Variants in ABCA4 observed in about 807,000 individuals in gnomAD.
ABCA4 encodes the protein retinal-specific phospholipid-transporting ATPase ABCA4.
A neutral mutation model predicts 263.7 loss-of-function variants in ABCA4; 196 were observed. The ratio of observed to expected loss-of-function variants is 0.74; its 90% CI spans 0.66 to 0.84. ABCA4 has a LOEUF of 0.84. Ranked by LOEUF, ABCA4 falls within the 40% of genes least tolerant of loss-of-function variation. ABCA4 has a pLI of 0.00. For missense variants in ABCA4, 2,792 were observed against 2,855.1 expected, an observed-to-expected ratio of 0.98 and a Z score of 0.50; for synonymous variants, 1,133 against 1,094.2, an observed-to-expected ratio of 1.04 and a Z score of -0.70.
At position 94,015,824 on chromosome 1, in the gene ABCA4, C is replaced by T; in HGVS notation, c.5227G>A (p.Val1743Met). The T allele has an allele frequency of 6.2e-7, 1 of 1,613,980 alleles. No individual in the cohort carries two copies. Among genetic ancestry groups the T allele is most frequent in the South Asian group, 1.1e-5 (1 of 90,982 alleles). ...MNYSVSAGLV[V>M]GIFIGFQKKA... Reference sequence around the variant, plus strand: ...TTCTGAAACCCGATGAAGATGCCCACCACCAGCCCAGCACTCACGGAATAA... The same window carrying T: ...TTCTGAAACCCGATGAAGATGCCCATCACCAGCCCAGCACTCACGGAATAA... Residue 1743 changes from valine (V) to methionine (M), a missense_variant, in exon 37 of 50, where the codon GTG becomes ATG. Val to Met is a conservative substitution (Grantham distance 21, BLOSUM62 1). Transcript: ENST00000370225.
chr1:94,105,457 A>G (rs541879292), intron 4 of ABCA4, among the ~76,000 whole-genome samples: 16 of 152,220 alleles, frequency 1.1e-4, no homozygotes, highest in African/African-American at 3.4e-4. Flanking sequence ...GGTACACCTG[A>G]GGAGGGCGGG....
At chr1:94,105,907 C>T (rs1448143480) in intron 4 of ABCA4, among the ~76,000 whole-genome samples, 1 of 152,216 alleles carries the variant, frequency 6.6e-6, no homozygotes, top group Non-Finnish European at 1.5e-5. Flanking sequence ...CCCCGCCACC[C>T]CCACCCGCTC....
At position 94,121,108 on chromosome 1, in the gene ABCA4, A is replaced by T; in HGVS notation, c.-63T>A. On this transcript the variant is annotated 5_prime_UTR_variant, in exon 1 of 50. Transcript: ENST00000370225. ...AGGCCCCTCAGACAGCAAAGGACAT[A>T]AACGCCGTTAAGAGCGCCTCTGGCT... The T allele has an allele frequency of 6.6e-7, 1 of 1,510,096 alleles. No individual in the cohort carries two copies. Among genetic ancestry groups the T allele is most frequent in the Non-Finnish European group, 9.2e-7 (1 of 1,085,306 alleles). The allele number at this position is 1,510,096 out of a possible 1,614,324, so 93.5% of individuals were successfully genotyped here.
At chr1:94,098,770 C>T (rs563403587) in intron 6 of ABCA4, 24 bp downstream of exon 6, 19 of 1,613,294 alleles carry the variant, frequency 1.2e-5, no homozygotes, top group African/African-American at 5.3e-5. Context: ...TTGCAATTGG[C>T]GAGCAGCCAA....
chr1:94,087,844 G>A (rs780346867), intron 6 of ABCA4, among the ~76,000 whole-genome samples: 4 of 152,230 alleles, frequency 2.6e-5, no homozygotes, highest in Non-Finnish European at 5.9e-5. Context: ...GGACACGGCA[G>A]TGAATGAAAC....
At position 94,060,790 on chromosome 1, in the gene ABCA4, G is replaced by C. The variant is rs775392012; in HGVS notation, c.1938-31C>G. The stretch of plus-strand genomic sequence containing the variant: ...GCAAAAGGAGAGAAGCAGAATAGTA[G>C]AGTGCTCTGTACCTGGTAGAGGCAG... On this transcript the variant is annotated intron_variant, in intron 13 of 49. Coordinates refer to ENST00000370225, the MANE Select transcript of ABCA4 (RefSeq NM_000350.3). 6 of 1,521,586 alleles carry C rather than the reference G, an allele frequency of 3.9e-6. No individual in the cohort carries two copies. In the East Asian group the frequency reaches 1.4e-4, roughly 35 times the overall value. 94.3% of individuals were successfully genotyped at this position (1,521,586 alleles called of 1,614,324 possible).
rs531251392 is a variant in ABCA4, at chr1:94,034,364, GT to G, written c.3863-2322del. Among the ~76,000 whole-genome samples the G allele has an allele frequency of 4.8e-4, 73 of 151,926 alleles. No individual in the cohort carries two copies. The East Asian group carries it at 0.014, about 29-fold the overall frequency. On this transcript the variant is annotated intron_variant, in intron 26 of 49. Coordinates refer to ENST00000370225, the MANE Select transcript of ABCA4 (RefSeq NM_000350.3). Reference sequence around the variant, plus strand: ...GCCTTTCCTTAAAACAGTTACTTTGGTTTTTTTGTTATCATTTCCATGTTGA... The same window carrying G: ...GCCTTTCCTTAAAACAGTTACTTTGGTTTTTTGTTATCATTTCCATGTTGA...
chr1:94,079,518 A>T lies in ABCA4; in HGVS notation c.1100-57T>A, dbSNP rs995115887. 3 of 1,611,110 alleles carry T rather than the reference A, an allele frequency of 1.9e-6. No individual in the cohort carries two copies. The African/African-American group carries it at 4.0e-5, about 22-fold the overall frequency. On this transcript the variant is annotated intron_variant, in intron 8 of 49. Coordinates refer to ENST00000370225, the MANE Select transcript of ABCA4 (RefSeq NM_000350.3). ...AACTCCCCATTGCTTGTAACTCAATATAGTCATTAGTGTATCCACATCACA... is the reference window on the plus strand; with the variant it reads ...AACTCCCCATTGCTTGTAACTCAATTTAGTCATTAGTGTATCCACATCACA...
In ABCA4 at chr1:94,048,878, TTCTGGGTGC is replaced by T; in HGVS notation, c.2724_2732del (p.His909_Glu911del). On this transcript the variant is annotated inframe_deletion, in exon 18 of 50. Coordinates refer to ENST00000370225, the MANE Select transcript of ABCA4 (RefSeq NM_000350.3). ...TTATCGGGGTTTTACCGTGTATTCC[TTCTGGGTGC>T]TCTGGATCCTCCGTTTCCTCTGTTA... The T allele has an allele frequency of 7.4e-6, 12 of 1,614,172 alleles. No individual in the cohort carries two copies. The highest frequency in any genetic ancestry group is 1.0e-5 in the Non-Finnish European group (12 of 1,180,020).
intron 38 of ABCA4, among the ~76,000 whole-genome samples, chr1:94,013,148 C>G (rs1305475952): frequency 2.6e-5 from 4 of 152,202 alleles, no homozygotes; most frequent in Non-Finnish European, 5.9e-5. Flanking sequence ...GAGCCTGTGG[C>G]AAACACAGCT....
At chr1:94,008,131 A>G (rs952794296) in intron 42 of ABCA4, 104 bp downstream of exon 42, 2 of 1,040,808 alleles carry the variant, frequency 1.9e-6, no homozygotes, top group Non-Finnish European at 3.0e-6. Context: ...GACTTGCATT[A>G]TGGCATTATG....
intron 22 of ABCA4, 22 bp downstream of exon 22, chr1:94,042,739 G>A (rs1660526694): frequency 6.2e-7 from 1 of 1,614,178 alleles, no homozygotes; most frequent in South Asian, 1.1e-5. Flanking sequence ...CCCAGCCCAG[G>A]AGACTGAGCA....
intron 16 of ABCA4, among the ~76,000 whole-genome samples, chr1:94,053,115 A>G (rs1217217800): frequency 2.0e-5 from 3 of 152,206 alleles, no homozygotes; most frequent in Admixed American, 1.3e-4. Flanking sequence ...TGGTGCGTCT[A>G]GAGAGAGCAT....
At chr1:94,072,790 A>G (rs1661439172) in intron 11 of ABCA4, among the ~76,000 whole-genome samples, 1 of 151,616 alleles carries the variant, frequency 6.6e-6, no homozygotes, top group South Asian at 2.1e-4. Context: ...CTATTTTCCT[A>G]CTCCACTGCC....
chr1:94,000,912 C>T lies in ABCA4; in HGVS notation c.6403G>A (p.Ala2135Thr), dbSNP rs1448197591. ...ATGATGGCCAGCCGGGTACACAGTG[C>T]CTCACATTCTTCCATGCTGTGGGGC... ...LTSHSMEECE[A>T]LCTRLAIMVK... is the part of the protein sequence containing the mutation. Residue 2135 changes from alanine (A) to threonine (T), a missense_variant, in exon 47 of 50, where the codon GCA (alanine) becomes ACA (threonine). Transcript: ENST00000370225. 6.2e-7 allele frequency: 1 copy of T among 1,614,176 alleles called. No individual in the cohort carries two copies. Among genetic ancestry groups the T allele is most frequent in the Non-Finnish European group, 8.5e-7 (1 of 1,180,032 alleles).
Position 94,021,625 on chromosome 1 carries a change from A to G in ABCA4, c.4848+15T>C, listed in dbSNP as rs1287276088. ...AATTTTTAGCTCCAGAGCAGATTATACATAGGTCAAGTACCTTAATGTTGT... is the reference window on the plus strand; with the variant it reads ...AATTTTTAGCTCCAGAGCAGATTATGCATAGGTCAAGTACCTTAATGTTGT... On this transcript the variant is annotated intron_variant, in intron 34 of 49. Coordinates refer to ENST00000370225, the MANE Select transcript of ABCA4 (RefSeq NM_000350.3). The G allele has an allele frequency of 6.2e-7, 1 of 1,604,764 alleles. No homozygotes were observed.
intron 11 of ABCA4, among the ~76,000 whole-genome samples, chr1:94,069,934 G>C (rs1424514551): frequency 1.3e-5 from 2 of 152,232 alleles, no homozygotes; most frequent in East Asian, 3.9e-4. Flanking sequence ...ATACAATAAT[G>C]AAACAAATAA....
chr1:94,079,737 C>T lies in ABCA4; in HGVS notation c.1100-276G>A, dbSNP rs539893471. 2.0e-5 allele frequency among the ~76,000 whole-genome samples: 3 copies of T among 152,272 alleles called. No individual in the cohort carries two copies. The East Asian group carries it at 5.8e-4, about 29-fold the overall frequency. On this transcript the variant is annotated intron_variant, in intron 8 of 49. Transcript: ENST00000370225. ...AGGAGAAGGAGGCTGAGAAGCCTGCCTCTGATTACTGCTAGGAACTGAGGC... is the reference window on the plus strand; with the variant it reads ...AGGAGAAGGAGGCTGAGAAGCCTGCTTCTGATTACTGCTAGGAACTGAGGC...
chr1:94,119,030 T>C (rs1295050093), intron 1 of ABCA4, among the ~76,000 whole-genome samples: 1 of 152,172 alleles, frequency 6.6e-6, no homozygotes. Flanking sequence ...TATTGGATTT[T>C]CCTCCGCAGT....
Sources: gnomAD v4.1 joint callset for allele counts (sites outside exome capture counted in the v4.1 genomes callset) on GRCh38, gnomAD v4.1.1 for gene constraint, MANE v1.5 for transcripts, NCBI Gene and HGNC (gene_info 2026-07-23, HGNC 2026-07-21) for gene names.